LACTB2: variants seen among roughly 807,000 people sequenced by gnomAD.
The protein encoded by LACTB2 is endoribonuclease LACTB2.
LACTB2 carries 32 observed loss-of-function variants against 34.8 expected under a neutral mutation model. The observed-to-expected ratio is 0.92, with a 90% confidence interval of 0.69 to 1.24. The LOEUF (loss-of-function observed/expected upper bound fraction) is 1.24, where lower values mean the gene tolerates loss of function less well. Among genes scored for constraint, LACTB2 ranks in the 50% most tolerant of loss-of-function variants. LACTB2 has a pLI of 0.00. For missense variants in LACTB2, 320 were observed against 345.0 expected, an observed-to-expected ratio of 0.93 and a Z score of 0.57; for synonymous variants, 120 against 117.5, an observed-to-expected ratio of 1.02 and a Z score of -0.14.
Position 70,657,801 on chromosome 8 carries a change from T to A in LACTB2, c.368A>T (p.Tyr123Phe), listed in dbSNP as rs750846748. The A allele has an allele frequency of 6.2e-7, 1 of 1,613,130 alleles. No individual in the cohort carries two copies. Among genetic ancestry groups the A allele is most frequent in the Non-Finnish European group, 8.5e-7 (1 of 1,179,220 alleles). The change falls in exon 3 of 7, where the codon TAT becomes TTT. Residue 123 changes from tyrosine to phenylalanine, a missense_variant. Physicochemically the swap from Tyr to Phe is conservative, Grantham distance 22. Transcript: ENST00000276590. ...IIGNGEQQYV[Y>F]LKDGDVIKTE... Reference sequence around the variant, plus strand: ...CTTAATCACATCTCCATCTTTCAGATAAACATATTGTTGCTCTCCATTTCC... The same window carrying A: ...CTTAATCACATCTCCATCTTTCAGAAAAACATATTGTTGCTCTCCATTTCC...
chr8:70,660,005 AT>A (rs1267589064), intron 2 of LACTB2: 3 of 152,348 alleles, frequency 2.0e-5, no homozygotes, highest in Non-Finnish European at 4.4e-5. Flanking sequence ...AATAAAATTG[AT>A]TTATGAAGGA....
rs369180364 is a variant in LACTB2 at position 70,644,142 on chromosome 8, G to A, written c.515C>T (p.Thr172Met). 4.7e-5 allele frequency: 75 copies of A among 1,612,532 alleles called. No individual in the cohort carries two copies. Among genetic ancestry groups the A allele is most frequent in the South Asian group, 1.9e-4 (17 of 90,870 alleles). Residue 172 changes from threonine (T) to methionine (M), a missense_variant, in exon 4 of 7, where the codon ACG becomes ATG. Transcript: ENST00000276590. ...ATAATCATAGAGGTCTTCAAATACC[G>A]TTGTTCCTTCCCCTAGGATGCAATC... is the stretch of plus-strand genomic sequence containing the variant. ...SGDCILGEGTTVFEDLYDYMN... is the reference protein window; with the variant it reads ...SGDCILGEGTMVFEDLYDYMN...
chr8:70,657,873 T>C lies in LACTB2; in HGVS notation c.296A>G (p.Tyr99Cys), dbSNP rs377337647. The change falls in exon 3 of 7, where the codon TAT becomes TGT. Residue 99 changes from tyrosine (Y) to cysteine (C), a missense_variant. Tyr to Cys is a radical substitution (Grantham distance 194). Coordinates refer to ENST00000276590, the MANE Select transcript of LACTB2 (RefSeq NM_016027.3). The part of the protein sequence containing the change: ...ICKSINNDTT[Y>C]CIKKLPRNPQ... ...ATTCCGTGGGAGTTTTTTAATGCAA[T>C]AGGTAGTGTCTAGTCATAAAACATA... 42 of 1,593,414 alleles carry C rather than the reference T, an allele frequency of 2.6e-5. No individual in the cohort carries two copies. In the African/African-American group the frequency reaches 4.4e-4, roughly 17 times the overall value.
chr8:70,662,164 A>G (rs1217404943), intron 1 of LACTB2: 3 of 269,514 alleles, frequency 1.1e-5, no homozygotes, highest in East Asian at 7.1e-5. Flanking sequence ...TAAACATGGC[A>G]CCATTCCAAG....
chr8:70,667,633 T>C (rs1034311192), intron 1 of LACTB2, among the ~76,000 whole-genome samples: 4 of 152,318 alleles, frequency 2.6e-5, no homozygotes, highest in Admixed American at 1.3e-4. Context: ...CTTTGCTATG[T>C]TGAGTGTGAT....
At chr8:70,642,424 G>A (rs753064417) in intron 4 of LACTB2, among the ~76,000 whole-genome samples, 6 of 151,768 alleles carry the variant, frequency 4.0e-5, no homozygotes, top group Non-Finnish European at 7.4e-5. Context: ...TTAATCGCAA[G>A]TTAGAAGAAC....
intron 2 of LACTB2, chr8:70,660,707 G>A (rs757276216): frequency 2.2e-6 from 1 of 456,274 alleles, no homozygotes; most frequent in South Asian, 1.5e-5. Flanking sequence ...AACAGCCCTT[G>A]CCCTTCTCCA....
intron 5 of LACTB2, among the ~76,000 whole-genome samples, chr8:70,639,334 A>G (rs997469371): frequency 6.6e-6 from 1 of 150,854 alleles, no homozygotes; most frequent in Non-Finnish European, 1.5e-5. Flanking sequence ...TAATTTTTGT[A>G]TTTTTAGTAG....
At chr8:70,650,182 T>C (rs2132073829) in intron 3 of LACTB2, among the ~76,000 whole-genome samples, 1 of 152,250 alleles carries the variant, frequency 6.6e-6, no homozygotes, top group East Asian at 1.9e-4. Flanking sequence ...ATGATCTGAT[T>C]ATAGTTTAAT....
Position 70,638,621 on chromosome 8 carries a change from A to G in LACTB2, c.750T>C (p.Pro250=). 1 of 1,440,684 alleles carries G rather than the reference A, an allele frequency of 6.9e-7. No homozygotes were observed. The highest frequency in any genetic ancestry group is 9.2e-7 in the Non-Finnish European group (1 of 1,087,112). The allele number at this position is 1,440,684 out of a possible 1,614,324, so 89.2% of individuals were successfully genotyped here. A position where few individuals can be genotyped will look rare whatever the true frequency, so the allele number is the denominator to read the frequency against. The change falls in exon 6 of 7, where the codon CCT becomes CCC. Residue 250 remains proline (P), a synonymous_variant. Coordinates refer to ENST00000276590, the MANE Select transcript of LACTB2 (RefSeq NM_016027.3). ...GTTTAGCCATTTCATGTAAATTCTC[A>G]GGAGTATTCTAAAAGAAAAATGAAG... is the stretch of plus-strand genomic sequence containing the variant. ...ELVKIIYKNT[P]ENLHEMAKHN...
chr8:70,668,539 C>G (rs1818568257), intron 1 of LACTB2, among the ~76,000 whole-genome samples: 1 of 152,190 alleles, frequency 6.6e-6, no homozygotes, highest in Non-Finnish European at 1.5e-5. Context: ...GAGAATCCTG[C>G]CCTCTGCTGC....
intron 5 of LACTB2, 138 bp from the exon 6 acceptor site, chr8:70,638,767 AGTC>A (rs1818156604): frequency 1.0e-5 from 7 of 679,088 alleles, no homozygotes; most frequent in African/African-American, 2.0e-5. Context: ...TTTGAGACAG[AGTC>A]TCACTCTGTC....
chr8:70,648,110 C>T (rs1408166982), intron 3 of LACTB2, among the ~76,000 whole-genome samples: 1 of 152,154 alleles, frequency 6.6e-6, no homozygotes, highest in African/African-American at 2.4e-5. Flanking sequence ...TCTACGATAC[C>T]AATGTTGGAA....
At chr8:70,663,440 AG>A (rs1818503332) in intron 1 of LACTB2, among the ~76,000 whole-genome samples, 1 of 152,214 alleles carries the variant, frequency 6.6e-6, no homozygotes, top group Non-Finnish European at 1.5e-5. Flanking sequence ...GTAGCACAGT[AG>A]ATGTCCTTCA....
At chr8:70,650,395 CA>C (rs1458385955) in intron 3 of LACTB2, among the ~76,000 whole-genome samples, 1 of 152,016 alleles carries the variant, frequency 6.6e-6, no homozygotes, top group Non-Finnish European at 1.5e-5. Context: ...ATAATTCTAC[CA>C]AACATTTAAA....
chr8:70,661,333 A>C (rs1490223608), intron 2 of LACTB2: 3 of 283,392 alleles, frequency 1.1e-5, no homozygotes, highest in Non-Finnish European at 1.4e-5. Context: ...ATATTGCCTG[A>C]ATTTCAGCAT....
At chr8:70,646,924 G>A (rs541920522) in intron 3 of LACTB2, among the ~76,000 whole-genome samples, 8 of 152,244 alleles carry the variant, frequency 5.3e-5, no homozygotes, top group African/African-American at 1.9e-4. Context: ...AGAAGGGCAG[G>A]ACTCTCATCT....
chr8:70,663,865 A>C (rs1357234578), intron 1 of LACTB2, among the ~76,000 whole-genome samples: 1 of 152,112 alleles, frequency 6.6e-6, no homozygotes, highest in Non-Finnish European at 1.5e-5. Flanking sequence ...TCCACAACCA[A>C]CACCACCGTA....
chr8:70,642,550 C>T (rs1008534045), intron 4 of LACTB2, among the ~76,000 whole-genome samples: 1 of 136,492 alleles, frequency 7.3e-6, no homozygotes, highest in Non-Finnish European at 1.5e-5. Flanking sequence ...GTTGCGTGAT[C>T]TCTGCTCACT....
Sources: allele counts gnomAD v4.1 joint callset (sites outside exome capture counted in the v4.1 genomes callset), GRCh38; gene constraint gnomAD v4.1.1; transcripts MANE v1.5; gene names NCBI Gene and HGNC (gene_info 2026-07-23, HGNC 2026-07-21).